Variants in MYO18B observed in about 807,000 individuals in gnomAD.
MYO18B encodes myosin XVIIIB, also known as unconventional myosin-XVIIIb.
A neutral mutation model predicts 273.0 loss-of-function variants in MYO18B; 204 were observed. That is an observed-to-expected ratio of 0.75 (90% CI 0.67 to 0.84). MYO18B has a LOEUF of 0.84. MYO18B is among the 40% of genes least tolerant of loss of function. MYO18B has a pLI of 0.00. For missense variants in MYO18B, 3,212 were observed against 3,287.6 expected (o/e 0.98, Z 0.56); for synonymous variants, 1,330 against 1,305.7 (o/e 1.02, Z -0.40).
Position 25,913,685 on chromosome 22 carries a change from A to G in MYO18B, c.5364+2635A>G, listed in dbSNP as rs536630709. ...GCCTGGCCGATTGTGGCTTTTTCTT[A>G]TGTGAATTGCCTATTCATAGAAGTT... On this transcript the variant is annotated intron_variant, in intron 33 of 43. Coordinates refer to ENST00000335473, the MANE Select transcript of MYO18B (RefSeq NM_032608.7). Among the ~76,000 whole-genome samples the G allele has an allele frequency of 2.0e-5, 3 of 152,252 alleles. No homozygotes were observed. In the East Asian group the frequency reaches 5.8e-4, roughly 29 times the overall value.
chr22:25,761,257 A>G (rs1370126921), intron 2 of MYO18B, 126 bp downstream of exon 2: 1 of 1,071,754 alleles, frequency 9.3e-7, no homozygotes, highest in African/African-American at 1.5e-5. Context: ...TAGCATGTGC[A>G]ATCCCACCTT....
chr22:25,906,910 C>T (rs71322770), intron 31 of MYO18B, among the ~76,000 whole-genome samples: 7,434 of 152,274 alleles, frequency 0.049, 423 homozygotes, highest in African/African-American at 0.13. Flanking sequence ...CCACCAGGTC[C>T]TTCCCTTGAC....
intron 21 of MYO18B, among the ~76,000 whole-genome samples, chr22:25,863,213 C>CATT (rs1441575606): frequency 1.3e-5 from 2 of 152,124 alleles, no homozygotes; most frequent in Non-Finnish European, 2.9e-5. Flanking sequence ...TTTAAGGAGT[C>CATT]ATTATTATTA....
intron 12 of MYO18B, among the ~76,000 whole-genome samples, chr22:25,822,021 G>A (rs1457664978): frequency 6.6e-6 from 1 of 152,168 alleles, no homozygotes; most frequent in Admixed American, 6.5e-5. Context: ...GCATTCAGGT[G>A]TAAGCATTGT....
chr22:25,826,334 T>A (rs1458810377), intron 13 of MYO18B, 75 bp from the exon 14 acceptor site: 1 of 1,081,648 alleles, frequency 9.2e-7, no homozygotes, highest in Non-Finnish European at 1.4e-6. Context: ...GAGTGGTCCC[T>A]ACTGCTCTGC....
chr22:25,874,459 G>A, intron 23 of MYO18B, 45 bp downstream of exon 23: 1 of 1,582,150 alleles, frequency 6.3e-7, no homozygotes. Flanking sequence ...AACGGGTCTG[G>A]AGCGGGCATA....
At chr22:25,948,412 TTCCTTCC>T (rs1486128207) in intron 36 of MYO18B, among the ~76,000 whole-genome samples, 1 of 17,902 alleles carries the variant, frequency 5.6e-5, no homozygotes, top group Non-Finnish European at 1.8e-4. Flanking sequence ...CTGTCTTTCC[TTCCTTCC>T]TTCCTTCCTT....
At chr22:25,780,227 G>A (rs774598265) in intron 9 of MYO18B, 29 bp downstream of exon 9, 8 of 1,583,744 alleles carry the variant, frequency 5.1e-6, no homozygotes, top group Admixed American at 1.8e-5. Context: ...TGTGCAAGGG[G>A]GCCCTTGGGG....
intron 12 of MYO18B, among the ~76,000 whole-genome samples, chr22:25,802,031 C>T (rs146358824): frequency 3.3e-5 from 5 of 152,316 alleles, no homozygotes; most frequent in Non-Finnish European, 5.9e-5. Context: ...GCAGAGTTAA[C>T]ACAGACCCTG....
At chr22:25,763,085 C>A (rs1034091456) in intron 2 of MYO18B, 146 bp from the exon 3 acceptor site, 2 of 930,700 alleles carry the variant, frequency 2.1e-6, no homozygotes, top group African/African-American at 1.6e-5. Context: ...CTGGGCCTCA[C>A]CTGCTTGGCT....
chr22:25,801,792 A>C (rs756933917), intron 12 of MYO18B, among the ~76,000 whole-genome samples: 5 of 152,118 alleles, frequency 3.3e-5, no homozygotes, highest in Non-Finnish European at 7.4e-5. Flanking sequence ...GACTGTTACG[A>C]TGCCCATTTT....
chr22:25,824,828 G>T (rs1382513656), intron 13 of MYO18B, among the ~76,000 whole-genome samples: 1 of 142,224 alleles, frequency 7.0e-6, no homozygotes, highest in Non-Finnish European at 1.6e-5. Flanking sequence ...TGCACACATG[G>T]TGTGCACACC....
intron 42 of MYO18B, among the ~76,000 whole-genome samples, chr22:26,016,224 G>C (rs1226914912): frequency 6.6e-6 from 1 of 152,184 alleles, no homozygotes; most frequent in East Asian, 1.9e-4. Flanking sequence ...ATCTAGAATT[G>C]TGTTCTTCAA....
intron 34 of MYO18B, among the ~76,000 whole-genome samples, chr22:25,944,450 G>T (rs2092681238): frequency 6.6e-6 from 1 of 152,106 alleles, no homozygotes; most frequent in African/African-American, 2.4e-5. Context: ...TCTGTTCCGA[G>T]ATACAGAAAA....
chr22:26,042,705 C>T, the MYO18B span, among the ~76,000 whole-genome samples: 1 of 152,206 alleles, frequency 6.6e-6, no homozygotes, highest in African/African-American at 2.4e-5. Context: ...CTCCTTCTCT[C>T]TCCCTCTTCA....
intron 1 of MYO18B, among the ~76,000 whole-genome samples, chr22:25,757,457 C>T (rs899626935): frequency 6.0e-5 from 9 of 150,480 alleles, no homozygotes; most frequent in African/African-American, 1.5e-4. Context: ...CGTGGTGGCA[C>T]GTGCCTGTAG....
chr22:25,901,810 T>G (rs2091942492), intron 29 of MYO18B, among the ~76,000 whole-genome samples: 1 of 99,740 alleles, frequency 1.0e-5, no homozygotes, highest in African/African-American at 7.6e-5. Flanking sequence ...GGGTTGGTTT[T>G]TTTTTTTTTT....
chr22:25,973,001 G>A (rs1220706898), intron 39 of MYO18B, among the ~76,000 whole-genome samples: 1 of 149,980 alleles, frequency 6.7e-6, no homozygotes, highest in African/African-American at 2.5e-5. Flanking sequence ...CTCCCATGCA[G>A]ATCTCACCCA....
intron 42 of MYO18B, among the ~76,000 whole-genome samples, chr22:26,021,007 C>T (rs1342231305): frequency 2.0e-5 from 3 of 152,082 alleles, no homozygotes; most frequent in Non-Finnish European, 4.4e-5. Context: ...GAGAATCACT[C>T]GAACCCTGGA....
Sources: gnomAD v4.1 joint callset for allele counts (sites outside exome capture counted in the v4.1 genomes callset) on GRCh38, gnomAD v4.1.1 for gene constraint, MANE v1.5 for transcripts, NCBI Gene and HGNC (gene_info 2026-07-23, HGNC 2026-07-21) for gene names.